Variants in LURAP1L observed in about 807,000 individuals in gnomAD.
The protein encoded by LURAP1L is leucine rich adaptor protein 1 like.
Under a neutral mutation model 13.8 loss-of-function variants are expected in LURAP1L, and 12 were observed. That is an observed-to-expected ratio of 0.87 (90% CI 0.56 to 1.41). LURAP1L has a LOEUF of 1.41. Among genes scored for constraint, LURAP1L ranks in the 40% most tolerant of loss-of-function variants. The pLI, the probability that LURAP1L is intolerant of heterozygous loss-of-function variation, is 0.00. For missense variants in LURAP1L, 375 were observed against 292.9 expected, an observed-to-expected ratio of 1.28 and a Z score of -2.04; for synonymous variants, 139 against 119.2, an observed-to-expected ratio of 1.17 and a Z score of -1.08.
intron 1 of LURAP1L, among the ~76,000 whole-genome samples, chr9:12,817,361 G>T (rs1020718006): frequency 1.7e-4 from 26 of 152,296 alleles, no homozygotes; most frequent in African/African-American, 6.3e-4. Context: ...TACTCTTCCA[G>T]GTTTTGGCAT....
chr9:12,791,032 C>T (rs7029119), intron 1 of LURAP1L, among the ~76,000 whole-genome samples: 21,284 of 151,864 alleles, frequency 0.14, 1,581 homozygotes, highest in African/African-American at 0.18. Flanking sequence ...TTGGCACAGC[C>T]CTCAGTATAG....
At chr9:12,805,333 A>G (rs1819641660) in intron 1 of LURAP1L, among the ~76,000 whole-genome samples, 1 of 152,162 alleles carries the variant, frequency 6.6e-6, no homozygotes, top group Admixed American at 6.5e-5. Context: ...TTGTAATTTA[A>G]TTTATTGGTA....
chr9:12,775,483 A>T lies in LURAP1L; in HGVS notation c.-233A>T. 3.8e-6 allele frequency: 2 copies of T among 519,862 alleles called. No homozygotes were observed. The highest frequency in any genetic ancestry group is 6.5e-6 in the Non-Finnish European group (2 of 309,224). The allele number at this position is 519,862 out of a possible 1,614,324, so 32.2% of individuals were successfully genotyped here. Reference sequence around the variant, plus strand: ...AGAATGAGGAGATCTTGATCATCTTAGTGTCGGAGGAGTCGCAGCGGACTG... The same window carrying T: ...AGAATGAGGAGATCTTGATCATCTTTGTGTCGGAGGAGTCGCAGCGGACTG... On this transcript the variant is annotated 5_prime_UTR_variant, in exon 1 of 2. Coordinates refer to ENST00000319264, the MANE Select transcript of LURAP1L (RefSeq NM_203403.2).
chr9:12,811,326 A>T (rs1333873976), intron 1 of LURAP1L, among the ~76,000 whole-genome samples: 1 of 152,214 alleles, frequency 6.6e-6, no homozygotes, highest in Non-Finnish European at 1.5e-5. Flanking sequence ...ATCAATGTAT[A>T]CCCTACTTTC....
intron 1 of LURAP1L, among the ~76,000 whole-genome samples, chr9:12,818,990 G>C (rs1427328870): frequency 6.6e-6 from 1 of 152,162 alleles, no homozygotes; most frequent in East Asian, 1.9e-4. Flanking sequence ...ATAAATGTTT[G>C]TTATATTACT....
At position 12,775,407 on chromosome 9, in the gene LURAP1L, G is replaced by C. The variant is rs1819153502; in HGVS notation, c.-309G>C. The stretch of plus-strand genomic sequence containing the variant: ...ACTTCCCCCTCTTTATTCCCCCTCT[G>C]TCTGCAATATCAGTGAACTCAACTT... On this transcript the variant is annotated 5_prime_UTR_variant, in exon 1 of 2. Coordinates refer to ENST00000319264, the MANE Select transcript of LURAP1L (RefSeq NM_203403.2). 2 of 337,510 alleles carry C rather than the reference G, an allele frequency of 5.9e-6. No individual in the cohort carries two copies. The highest frequency in any genetic ancestry group is 1.1e-5 in the Non-Finnish European group (2 of 189,526). The allele number at this position is 337,510 out of a possible 1,614,324, so 20.9% of individuals were successfully genotyped here. A position where few individuals can be genotyped will look rare whatever the true frequency, so the allele number is the denominator to read the frequency against.
chr9:12,793,596 C>A (rs1237945664), intron 1 of LURAP1L, among the ~76,000 whole-genome samples: 1 of 151,982 alleles, frequency 6.6e-6, no homozygotes, highest in Non-Finnish European at 1.5e-5. Flanking sequence ...TTCAGTGAAG[C>A]AATTGACTAT....
chr9:12,803,502 C>A, intron 1 of LURAP1L, among the ~76,000 whole-genome samples: 1 of 152,176 alleles, frequency 6.6e-6, no homozygotes. Context: ...TAAATAAATA[C>A]AAAACACCTG....
intron 1 of LURAP1L, among the ~76,000 whole-genome samples, chr9:12,789,733 C>A (rs888563869): frequency 6.6e-5 from 10 of 152,046 alleles, no homozygotes; most frequent in Non-Finnish European, 1.0e-4. Flanking sequence ...CATATGGGAG[C>A]CTGATGCTTC....
At chr9:12,812,283 T>C (rs1819747244) in intron 1 of LURAP1L, among the ~76,000 whole-genome samples, 1 of 152,292 alleles carries the variant, frequency 6.6e-6, no homozygotes, top group South Asian at 2.1e-4. Context: ...TGGTAACAAC[T>C]GGGAACTTGT....
At chr9:12,791,388 A>G (rs976645983) in intron 1 of LURAP1L, among the ~76,000 whole-genome samples, 3 of 152,026 alleles carry the variant, frequency 2.0e-5, no homozygotes, top group African/African-American at 7.2e-5. Flanking sequence ...CCATTTTCCC[A>G]AAGGCATCCA....
chr9:12,807,355 G>C (rs1403705142), intron 1 of LURAP1L, among the ~76,000 whole-genome samples: 1 of 152,054 alleles, frequency 6.6e-6, no homozygotes, highest in Non-Finnish European at 1.5e-5. Flanking sequence ...TGTATTACGA[G>C]TAAACTTTGG....
intron 1 of LURAP1L, among the ~76,000 whole-genome samples, chr9:12,820,693 T>C (rs554182442): frequency 3.4e-4 from 51 of 152,176 alleles, no homozygotes; most frequent in African/African-American, 1.1e-3. Context: ...GTATCACCCA[T>C]CCTTTGGATT....
At chr9:12,801,227 A>G (rs1295135494) in intron 1 of LURAP1L, among the ~76,000 whole-genome samples, 4 of 151,876 alleles carry the variant, frequency 2.6e-5, no homozygotes, top group Non-Finnish European at 4.4e-5. Context: ...AGAGCATCCA[A>G]CCTCTCCACA....
chr9:12,811,628 C>T (rs79774862), intron 1 of LURAP1L, among the ~76,000 whole-genome samples: 19 of 152,180 alleles, frequency 1.2e-4, no homozygotes, highest in African/African-American at 4.6e-4. Flanking sequence ...TATCATGCCA[C>T]AGACAGTGAT....
intron 1 of LURAP1L, among the ~76,000 whole-genome samples, chr9:12,776,949 C>T (rs981240960): frequency 6.6e-6 from 1 of 152,098 alleles, no homozygotes; most frequent in African/African-American, 2.4e-5. Context: ...ATGATCCCTC[C>T]CTAAGTCCTT....
intron 1 of LURAP1L, among the ~76,000 whole-genome samples, chr9:12,813,584 A>C (rs964330517): frequency 6.6e-6 from 1 of 152,156 alleles, no homozygotes; most frequent in African/African-American, 2.4e-5. Context: ...TGATAGAGAA[A>C]ATTTTAATAC....
At chr9:12,787,118 G>C (rs1233213784) in intron 1 of LURAP1L, among the ~76,000 whole-genome samples, 1 of 152,088 alleles carries the variant, frequency 6.6e-6, no homozygotes, top group Admixed American at 6.6e-5. Flanking sequence ...ATTTAAAGTA[G>C]AGGATAAAAG....
chr9:12,817,735 TTA>T, intron 1 of LURAP1L, among the ~76,000 whole-genome samples: 1 of 152,272 alleles, frequency 6.6e-6, no homozygotes, highest in Non-Finnish European at 1.5e-5. Context: ...CTAGACTTCA[TTA>T]AGACTGAAAT....
Sources: allele counts gnomAD v4.1 joint callset (sites outside exome capture counted in the v4.1 genomes callset), GRCh38; gene constraint gnomAD v4.1.1; transcripts MANE v1.5; gene names NCBI Gene and HGNC (gene_info 2026-07-23, HGNC 2026-07-21).